The following ADGRD1 variants were observed in gnomAD, a reference collection of about 807,000 sequenced individuals.
ADGRD1 encodes adhesion G protein-coupled receptor D1.
A neutral mutation model predicts 113.4 loss-of-function variants in ADGRD1; 77 were observed. That is an observed-to-expected ratio of 0.68 (90% confidence interval 0.57 to 0.82). The LOEUF (loss-of-function observed/expected upper bound fraction) is 0.82, where lower values mean the gene tolerates loss of function less well. ADGRD1 is among the 40% of genes least tolerant of loss of function. The pLI, the probability that ADGRD1 is intolerant of heterozygous loss-of-function variation, is 0.00. For missense variants in ADGRD1, 1,036 were observed against 1,139.1 expected (o/e 0.91, Z 1.30); for synonymous variants, 474 against 475.0 (o/e 1.00, Z 0.03).
chr12:131,058,397 G>A (rs1376610668), intron 13 of ADGRD1, among the ~76,000 whole-genome samples: 1 of 152,220 alleles, frequency 6.6e-6, no homozygotes, highest in Non-Finnish European at 1.5e-5. Flanking sequence ...GGAATGTGCT[G>A]GGTTTGAGTT....
rs1056954330 is a variant in ADGRD1 at position 131,050,138 on chromosome 12, C to T, written c.1474-26663C>T. 2.0e-5 allele frequency among the ~76,000 whole-genome samples: 3 copies of T among 152,094 alleles called. No homozygotes were observed. The highest frequency in any genetic ancestry group is 7.2e-5 in the African/African-American group (3 of 41,412). On this transcript the variant is annotated intron_variant, in intron 13 of 24. Transcript: ENST00000261654. This position sits in a 1 kb window ranked among gnomAD's most constrained non-coding sequence, Gnocchi z 4.8. ...TGGGAATTCAGTGTGTCCTCCTGGG[C>T]CAGCACAAACCTCATCGCCTCTTGG...
intron 13 of ADGRD1, among the ~76,000 whole-genome samples, chr12:131,032,031 C>T (rs1036757699): frequency 4.6e-5 from 7 of 152,206 alleles, no homozygotes; most frequent in Non-Finnish European, 7.3e-5. Flanking sequence ...GTTCCTGCCG[C>T]TGTGCCCCAC....
intron 4 of ADGRD1, chr12:130,972,971 G>A (rs1378609392): frequency 6.6e-6 from 1 of 152,228 alleles, no homozygotes; most frequent in Non-Finnish European, 1.5e-5. Context: ...TCACACATGA[G>A]AGGCCTTTGA....
intron 13 of ADGRD1, among the ~76,000 whole-genome samples, chr12:131,044,302 C>CG (rs781090150): frequency 1.8e-4 from 27 of 152,270 alleles, no homozygotes; most frequent in Admixed American, 3.3e-4. Context: ...ACAAAAGCAT[C>CG]GGGGCCGAGG....
At chr12:131,065,375 G>A (rs1461592242) in intron 13 of ADGRD1, among the ~76,000 whole-genome samples, 1 of 152,180 alleles carries the variant, frequency 6.6e-6, no homozygotes, top group Non-Finnish European at 1.5e-5. Flanking sequence ...GAGAACGCTC[G>A]GGCCCTGCTG....
intron 17 of ADGRD1, among the ~76,000 whole-genome samples, chr12:131,106,772 AC>A (rs991313807): frequency 8.5e-5 from 13 of 152,062 alleles, no homozygotes; most frequent in Non-Finnish European, 1.6e-4. Context: ...CTCACAGGGC[AC>A]CCCACCTCAG....
In ADGRD1 at chr12:131,060,296, CTT is replaced by C. The variant is rs1360864583; in HGVS notation, c.1474-16503_1474-16502del. Among the ~76,000 whole-genome samples, 1 of 152,374 alleles carries C rather than the reference CTT, an allele frequency of 6.6e-6. No individual in the cohort carries two copies. Among genetic ancestry groups the C allele is most frequent in the East Asian group, 1.9e-4 (1 of 5,188 alleles). ...CTCATAGAGGCTGGGTGGGGCCACACTTTCTCCCGTGGTATTTGGAGTAGCTA... is the reference window on the plus strand; with the variant it reads ...CTCATAGAGGCTGGGTGGGGCCACACTCTCCCGTGGTATTTGGAGTAGCTA... On this transcript the variant is annotated intron_variant, in intron 13 of 24. Coordinates refer to ENST00000261654, the MANE Select transcript of ADGRD1 (RefSeq NM_198827.5). The surrounding 1 kb of genome is among the most constrained non-coding windows in gnomAD (Gnocchi z 4.4).
chr12:130,955,123 C>CTGTTTTTTTTTTT (rs1869386653), intron 2 of ADGRD1, among the ~76,000 whole-genome samples: 1 of 99,716 alleles, frequency 1.0e-5, no homozygotes, highest in African/African-American at 4.3e-5. Flanking sequence ...CTACACCCAG[C>CTGTTTTTTTTTTT]TTTTTTTTTT....
chr12:130,986,990 A>G, intron 5 of ADGRD1, 105 bp from the exon 6 acceptor site: 2 of 949,364 alleles, frequency 2.1e-6, no homozygotes, highest in South Asian at 1.6e-5. Flanking sequence ...GTTAACAGTG[A>G]TTGATCACCT....
rs369201469 is a variant in ADGRD1, at chr12:131,136,051, C to A, written c.2282C>A (p.Ala761Glu). The A allele has an allele frequency of 6.2e-6, 10 of 1,614,048 alleles. No homozygotes were observed. Among genetic ancestry groups the A allele is most frequent in the East Asian group, 2.2e-5 (1 of 44,884 alleles). ...DPSAFKLTAKAVAVLLPILGT... is the reference protein window; with the variant it reads ...DPSAFKLTAKEVAVLLPILGT... ...TTTCTCTCCAGGTTGACAGCCAAGGCAGTGGCCGTGCTGCTGCCCATCCTG... is the reference window on the plus strand; with the variant it reads ...TTTCTCTCCAGGTTGACAGCCAAGGAAGTGGCCGTGCTGCTGCCCATCCTG... Residue 761 changes from alanine to glutamate, a missense_variant, in exon 22 of 25, where the codon GCA (alanine) becomes GAA (glutamate). By Grantham distance (107) the Ala-to-Glu change is moderately radical. Transcript: ENST00000261654.
At chr12:131,063,994 T>C (rs1884531429) in intron 13 of ADGRD1, among the ~76,000 whole-genome samples, 1 of 152,234 alleles carries the variant, frequency 6.6e-6, no homozygotes, top group Admixed American at 6.5e-5. Flanking sequence ...GGCATACAGG[T>C]CCTATGCATG....
In ADGRD1 at chr12:131,041,610, A is replaced by C. The variant is rs3847691; in HGVS notation, c.1473+27270A>C. 0.5 allele frequency among the ~76,000 whole-genome samples: 76,552 copies of C among 152,014 alleles called. 20,817 individuals carry two copies. Among genetic ancestry groups the C allele is most frequent in the Non-Finnish European group, 0.61 (41,411 of 67,938 alleles). On this transcript the variant is annotated intron_variant, in intron 13 of 24. Transcript: ENST00000261654. This position sits in a 1 kb window ranked among gnomAD's most constrained non-coding sequence, Gnocchi z 4.4. ...AAACATCCAGTTATAGCTGGAGAGG[A>C]AGGTGTGCAGCTTAATGAGGCTCTG... is the stretch of plus-strand genomic sequence containing the variant.
chr12:131,003,318 A>C lies in ADGRD1; in HGVS notation c.1144+16A>C, dbSNP rs1300068735. Reference sequence around the variant, plus strand: ...GCCATGGCAGGTAGCTGTCGCTTGTAAGGGTGAGCCACATGGCAGGGGCGG... The same window carrying C: ...GCCATGGCAGGTAGCTGTCGCTTGTCAGGGTGAGCCACATGGCAGGGGCGG... On this transcript the variant is annotated intron_variant, in intron 10 of 24. Transcript: ENST00000261654. This position sits in a 1 kb window ranked among gnomAD's most constrained non-coding sequence, Gnocchi z 4.8. The C allele has an allele frequency of 6.4e-7, 1 of 1,567,810 alleles. No individual in the cohort carries two copies. The highest frequency in any genetic ancestry group is 1.7e-5 in the Admixed American group (1 of 59,976).
rs1321150220 is a variant in ADGRD1 at position 131,004,418 on chromosome 12, C to T, written c.1255+122C>T. On this transcript the variant is annotated intron_variant, in intron 11 of 24. Coordinates refer to ENST00000261654, the MANE Select transcript of ADGRD1 (RefSeq NM_198827.5). ...CTGCGGTGCTCCCCCGGGCCGCCTG[C>T]GGTGCTCCCCCGGACTGCCTGTCCT... 2.1e-5 allele frequency: 16 copies of T among 765,810 alleles called. No individual in the cohort carries two copies. The Admixed American group carries it at 2.4e-4, about 11-fold the overall frequency. 47.4% of individuals were successfully genotyped at this position (765,810 alleles called of 1,614,324 possible).
At chr12:131,051,508 A>G (rs1883390887) in intron 13 of ADGRD1, among the ~76,000 whole-genome samples, 1 of 145,000 alleles carries the variant, frequency 6.9e-6, no homozygotes, top group Admixed American at 7.0e-5. Context: ...TTTGGAGCCA[A>G]AGTCTCACTC....
chr12:131,014,186 G>A lies in ADGRD1; in HGVS notation c.1332-13G>A, dbSNP rs368351459. The stretch of plus-strand genomic sequence containing the variant: ...CGTTTCCCATTTTGTAATGATTTCC[G>A]TCTCTTCCCAAGGATCGCGGAGGCC... On this transcript the variant is annotated splice_polypyrimidine_tract_variant and intron_variant, in intron 12 of 24. Transcript: ENST00000261654. 4.3e-5 allele frequency: 69 copies of A among 1,612,158 alleles called. No homozygotes were observed. The highest frequency in any genetic ancestry group is 1.7e-4 in the Middle Eastern group (1 of 6,042).
At chr12:130,988,712 G>C (rs1873994409) in intron 6 of ADGRD1, 1 of 152,298 alleles carries the variant, frequency 6.6e-6, no homozygotes. Flanking sequence ...TGCCAAGGTG[G>C]CTGTCATGCT....
At chr12:131,064,484 C>T (rs1412452899) in intron 13 of ADGRD1, among the ~76,000 whole-genome samples, 1 of 152,184 alleles carries the variant, frequency 6.6e-6, no homozygotes, top group Non-Finnish European at 1.5e-5. Flanking sequence ...TTGTATTCCA[C>T]AGCATTCCAA....
At chr12:131,017,385 CCAGTCCACATACACTCAGTCCACACA>C (rs1878708847) in intron 13 of ADGRD1, among the ~76,000 whole-genome samples, 1 of 120,158 alleles carries the variant, frequency 8.3e-6, no homozygotes, top group Non-Finnish European at 1.7e-5. Context: ...CCACACACAC[CCAGTCCACATACACTCAGTCCACACA>C]CAGTCCATAC....
Sources: allele counts gnomAD v4.1 joint callset (sites outside exome capture counted in the v4.1 genomes callset), GRCh38; gene constraint gnomAD v4.1.1; non-coding constraint Gnocchi (gnomAD v3.1); transcripts MANE v1.5; gene names NCBI Gene and HGNC (gene_info 2026-07-23, HGNC 2026-07-21).